SHOC2: variants seen among roughly 807,000 people sequenced by gnomAD.
SHOC2 encodes the protein SHOC2 leucine rich repeat scaffold protein, also known as leucine-rich repeat protein SHOC-2.
Under a neutral mutation model 50.2 loss-of-function variants are expected in SHOC2, and 4 were observed. The ratio of observed to expected loss-of-function variants is 0.08; its 90% CI spans 0.04 to 0.18. The LOEUF (loss-of-function observed/expected upper bound fraction) is 0.18, where lower values mean the gene tolerates loss of function less well. Ranked by LOEUF, SHOC2 falls within the 10% of genes least tolerant of loss-of-function variation. The pLI is 1.00. For missense variants in SHOC2, 388 were observed against 669.6 expected (o/e 0.58, Z 4.64); for synonymous variants, 218 against 244.5 (o/e 0.89, Z 1.01).
chr10:110,975,039 A>G (rs1262961323), intron 2 of SHOC2, among the ~76,000 whole-genome samples: 2 of 152,230 alleles, frequency 1.3e-5, no homozygotes, highest in South Asian at 4.1e-4. Context: ...TAACCATTGT[A>G]TAGTGATCAG....
chr10:110,939,913 G>T lies in SHOC2; in HGVS notation c.-235+20256G>T, dbSNP rs557596377. ...ATATTTTCCTACTATTAATGGAAAAGTGGACTTAAATGACTATGAAGTTAA... is the reference window on the plus strand; with the variant it reads ...ATATTTTCCTACTATTAATGGAAAATTGGACTTAAATGACTATGAAGTTAA... On this transcript the variant is annotated intron_variant, in intron 1 of 8. Coordinates refer to ENST00000369452, the MANE Select transcript of SHOC2 (RefSeq NM_007373.4). Among the ~76,000 whole-genome samples, 8 of 152,262 alleles carry T rather than the reference G, an allele frequency of 5.3e-5. No homozygotes were observed. In the South Asian group the frequency reaches 1.7e-3, roughly 32 times the overall value.
intron 1 of SHOC2, among the ~76,000 whole-genome samples, chr10:110,929,382 A>G (rs1846842330): frequency 6.6e-6 from 1 of 152,178 alleles, no homozygotes; most frequent in South Asian, 2.1e-4. Flanking sequence ...CGTGATTTAC[A>G]TGTTTGTGGT....
chr10:110,919,692 T>C (rs886530380), intron 1 of SHOC2, 35 bp downstream of exon 1: 39 of 397,608 alleles, frequency 9.8e-5, no homozygotes, highest in Non-Finnish European at 1.6e-4. Context: ...GGGTGTCTGT[T>C]GGTCGGTTCT....
Position 110,921,717 on chromosome 10 carries a change from A to G in SHOC2, c.-235+2060A>G, listed in dbSNP as rs142470260. Among the ~76,000 whole-genome samples, 126 of 152,274 alleles carry G rather than the reference A, an allele frequency of 8.3e-4. 3 individuals carry two copies. The East Asian group carries it at 0.023, about 27-fold the overall frequency. The stretch of plus-strand genomic sequence containing the variant: ...ACTCTTAGTTATTTTAAAATGTGCA[A>G]TTAAATTTATTGAGTATGGTCACCC... On this transcript the variant is annotated intron_variant, in intron 1 of 8. Transcript: ENST00000369452.
chr10:110,975,963 T>G (rs533365678), intron 2 of SHOC2, among the ~76,000 whole-genome samples: 1 of 152,092 alleles, frequency 6.6e-6, no homozygotes, highest in East Asian at 1.9e-4. Flanking sequence ...AAGGCTGGAG[T>G]GCAATGGCGC....
Position 111,009,775 on chromosome 10 carries a change from T to A in SHOC2, c.1485T>A (p.Asn495Lys), listed in dbSNP as rs1337625654. ...CCAGAGGCATTGGTCACCTTACTAA[T>A]CTCACACATCTGGGCCTTGGAGAGA... Reference protein sequence around the residue: ...TLPRGIGHLTNLTHLGLGENL... With the variant: ...TLPRGIGHLTKLTHLGLGENL... The change falls in exon 8 of 9, where the codon AAT becomes AAA. Residue 495 changes from asparagine to lysine, a missense_variant. This residue lies in a region of SHOC2 where 130 missense variants were observed against 208.6 expected (regional missense o/e 0.62). Transcript: ENST00000369452. 1 of 1,613,460 alleles carries A rather than the reference T, an allele frequency of 6.2e-7. No individual in the cohort carries two copies. Among genetic ancestry groups the A allele is most frequent in the African/African-American group, 1.3e-5 (1 of 75,018 alleles).
intron 3 of SHOC2, among the ~76,000 whole-genome samples, chr10:110,993,525 A>G (rs1275841682): frequency 6.6e-6 from 1 of 152,190 alleles, no homozygotes; most frequent in African/African-American, 2.4e-5. Flanking sequence ...GCCTATTCTC[A>G]TAGATTACAT....
chr10:111,006,605 C>T (rs1052504609), intron 5 of SHOC2, among the ~76,000 whole-genome samples: 4 of 152,098 alleles, frequency 2.6e-5, no homozygotes, highest in South Asian at 2.1e-4. Flanking sequence ...CTCCTGACCT[C>T]GTGATCCGCC....
chr10:110,947,242 C>T (rs1248759271), intron 1 of SHOC2, among the ~76,000 whole-genome samples: 1 of 152,188 alleles, frequency 6.6e-6, no homozygotes, highest in Non-Finnish European at 1.5e-5. Flanking sequence ...ACCCATGGAC[C>T]CAGGCACCAG....
chr10:110,922,064 G>A (rs992074832), intron 1 of SHOC2, among the ~76,000 whole-genome samples: 12 of 151,848 alleles, frequency 7.9e-5, no homozygotes. Flanking sequence ...ATCAACTTCT[G>A]AACTACAAGC....
chr10:110,925,599 G>A (rs1391207672), intron 1 of SHOC2, among the ~76,000 whole-genome samples: 1 of 152,122 alleles, frequency 6.6e-6, no homozygotes, highest in African/African-American at 2.4e-5. Flanking sequence ...CTGGACTACA[G>A]GTGTGTACCA....
upstream of SHOC2, chr10:110,919,537 C>T (rs888360781): frequency 7.6e-5 from 4 of 52,438 alleles, no homozygotes; most frequent in East Asian, 7.8e-4. Flanking sequence ...GCGGGCGGGG[C>T]GGGGCGAGTG....
At chr10:111,000,322 G>A in intron 3 of SHOC2, 93 bp from the exon 4 acceptor site, 2 of 1,273,102 alleles carry the variant, frequency 1.6e-6, no homozygotes, top group Middle Eastern at 2.0e-4. Flanking sequence ...GTACTTTGAA[G>A]TAATTTGTAA....
chr10:110,986,977 A>C (rs1927159), intron 3 of SHOC2, among the ~76,000 whole-genome samples: 109,620 of 152,020 alleles, frequency 0.72, 40,091 homozygotes, highest in Non-Finnish European at 0.8. Flanking sequence ...CTGGATGACT[A>C]TTTTATTTCC....
intron 1 of SHOC2, among the ~76,000 whole-genome samples, chr10:110,947,964 T>A (rs114412462): frequency 0.01 from 1,524 of 152,248 alleles, 28 homozygotes; most frequent in African/African-American, 0.035. Context: ...GATCCTACAG[T>A]ATTATGCCTA....
chr10:110,920,257 C>T (rs1846602170), intron 1 of SHOC2: 1 of 152,670 alleles, frequency 6.6e-6, no homozygotes, highest in African/African-American at 2.4e-5. Context: ...TGTTGCCTAG[C>T]GAAGCGAGTT....
intron 1 of SHOC2, among the ~76,000 whole-genome samples, chr10:110,955,567 C>G (rs948326348): frequency 3.9e-5 from 6 of 152,026 alleles, no homozygotes; most frequent in African/African-American, 1.2e-4. Context: ...TGTGTAGACT[C>G]ATTAACTGCT....
At chr10:111,000,051 C>T (rs1848341262) in intron 3 of SHOC2, among the ~76,000 whole-genome samples, 1 of 152,102 alleles carries the variant, frequency 6.6e-6, no homozygotes, top group East Asian at 1.9e-4. Flanking sequence ...ATTGGATCAT[C>T]ATAACATAGA....
chr10:110,936,082 T>TATTG (rs1847001856), intron 1 of SHOC2, among the ~76,000 whole-genome samples: 1 of 151,656 alleles, frequency 6.6e-6, no homozygotes, highest in Admixed American at 6.6e-5. Flanking sequence ...GTACTCTAGA[T>TATTG]ATTGCTTCAC....
Sources: gnomAD v4.1 joint callset for allele counts (sites outside exome capture counted in the v4.1 genomes callset) on GRCh38, gnomAD v4.1.1 for gene constraint, gnomAD v4.1.1 regional missense constraint, MANE v1.5 for transcripts, NCBI Gene and HGNC (gene_info 2026-07-23, HGNC 2026-07-21) for gene names.